Variants in SEC14L3 observed in about 807,000 individuals in gnomAD.
SEC14L3 encodes the protein SEC14 like lipid binding 3, also known as SEC14-like protein 3.
In SEC14L3, 56 loss-of-function variants were observed where a neutral mutation model predicts 57.4. That is an observed-to-expected ratio of 0.97 (90% confidence interval 0.79 to 1.22). The LOEUF (loss-of-function observed/expected upper bound fraction) is 1.22. SEC14L3 is among the 50% of genes most tolerant of loss of function. The pLI is 0.00. For missense variants in SEC14L3, 485 were observed against 511.7 expected (o/e 0.95, Z 0.50); for synonymous variants, 173 against 194.4 (o/e 0.89, Z 0.92).
downstream of SEC14L3, among the ~76,000 whole-genome samples, chr22:30,447,795 A>T (rs1013046094): frequency 6.6e-6 from 1 of 152,132 alleles, no homozygotes; most frequent in Non-Finnish European, 1.5e-5. Context: ...TGTGTTTGGC[A>T]GGGCTGGGGT....
At chr22:30,462,010 G>T in intron 9 of SEC14L3, 76 bp downstream of exon 9, 1 of 1,434,628 alleles carries the variant, frequency 7.0e-7, no homozygotes, top group Non-Finnish European at 9.7e-7. Context: ...AGGTAATTGT[G>T]GATGAATGAC....
intron 8 of SEC14L3, among the ~76,000 whole-genome samples, chr22:30,464,094 C>T (rs953379600): frequency 1.3e-5 from 2 of 152,144 alleles, no homozygotes; most frequent in Admixed American, 6.5e-5. Flanking sequence ...TTTCTCATGG[C>T]GGCTCCAGAA....
At chr22:30,456,970 C>G (rs143459949), downstream of SEC14L3, among the ~76,000 whole-genome samples, 198 of 152,320 alleles carry the variant, frequency 1.3e-3, no homozygotes, top group African/African-American at 4.6e-3. Flanking sequence ...TTGCACTGCT[C>G]CACCTCCTGG....
At chr22:30,461,737 C>T (rs1425773445) in intron 9 of SEC14L3, 43 bp from the exon 10 acceptor site, 1 of 1,582,948 alleles carries the variant, frequency 6.3e-7, no homozygotes, top group Admixed American at 1.8e-5. Flanking sequence ...GTCTCCTGGC[C>T]ATTGTTCATG....
downstream of SEC14L3, among the ~76,000 whole-genome samples, chr22:30,455,049 A>C (rs1421275559): frequency 1.6e-5 from 1 of 63,740 alleles, no homozygotes; most frequent in African/African-American, 8.8e-5. Context: ...TATAATAGAT[A>C]TACAATATAT....
chr22:30,466,880 A>C, intron 6 of SEC14L3, 102 bp downstream of exon 6: 1 of 1,105,628 alleles, frequency 9.0e-7, no homozygotes, highest in East Asian at 2.5e-5. Context: ...GGAGCCCAGG[A>C]CATTTTTAAA....
intron 7 of SEC14L3, among the ~76,000 whole-genome samples, chr22:30,465,681 C>T (rs955255492): frequency 3.3e-5 from 5 of 152,194 alleles, no homozygotes; most frequent in African/African-American, 1.2e-4. Context: ...ACCAGCCACT[C>T]AATCAGTCAA....
chr22:30,470,165 C>T, intron 3 of SEC14L3, 47 bp downstream of exon 3: 1 of 1,613,134 alleles, frequency 6.2e-7, no homozygotes, highest in Non-Finnish European at 8.5e-7. Flanking sequence ...GCATGGATTG[C>T]CCCTGACAAA....
downstream of SEC14L3, among the ~76,000 whole-genome samples, chr22:30,454,562 ATATTATATATAATCTATAATAATAT>A (rs1935050186): frequency 1.8e-5 from 1 of 55,684 alleles, no homozygotes; most frequent in Non-Finnish European, 3.6e-5. Context: ...ATCTATAATA[ATATTATATATAATCTATAATAATAT>A]TATTATATAT....
In SEC14L3 at chr22:30,466,390, A is replaced by G. The variant is rs1389736525; in HGVS notation, c.524T>C (p.Phe175Ser). 6.2e-7 allele frequency: 1 copy of G among 1,613,984 alleles called. No individual in the cohort carries two copies. Among genetic ancestry groups the G allele is most frequent in the African/African-American group, 1.3e-5 (1 of 74,912 alleles). Residue 175 changes from phenylalanine to serine, a missense_variant, in exon 7 of 12, where the codon TTT (phenylalanine) becomes TCT (serine). Physicochemically the swap from Phe to Ser is radical, Grantham distance 155. Coordinates refer to ENST00000215812, the MANE Select transcript of SEC14L3 (RefSeq NM_174975.5). Reference sequence around the variant, plus strand: ...TGGGTAATTCTCTTCAAGGAGGCCAAAGAACTGTGGAACCAAGAGAGATCC... The same window carrying G: ...TGGGTAATTCTCTTCAAGGAGGCCAGAGAACTGTGGAACCAAGAGAGATCC... ...KPLVEVYQEF[F>S]GLLEENYPET... is the part of the protein sequence containing the mutation.
chr22:30,471,087 C>T, intron 1 of SEC14L3: 1 of 329,190 alleles, frequency 3.0e-6, no homozygotes, highest in Non-Finnish European at 5.9e-6. Context: ...GAGTTTGAGA[C>T]CAGCCTGGCC....
chr22:30,463,659 C>T (rs1645117811), intron 8 of SEC14L3, among the ~76,000 whole-genome samples: 1 of 152,220 alleles, frequency 6.6e-6, no homozygotes, highest in Non-Finnish European at 1.5e-5. Flanking sequence ...CCCCTCACCC[C>T]TGGATCCTCA....
At position 30,462,197 on chromosome 22, in the gene SEC14L3, G is replaced by T; in HGVS notation, c.665-5C>A. 1 of 1,611,324 alleles carries T rather than the reference G, an allele frequency of 6.2e-7. No homozygotes were observed. ...GCAAACCTTCCTTCCAGTTATCTGG[G>T]AGCAGTGGGATTCAAGGGTGGTTAG... On this transcript the variant is annotated splice_region_variant and splice_polypyrimidine_tract_variant and intron_variant, in intron 8 of 11. Coordinates refer to ENST00000215812, the MANE Select transcript of SEC14L3 (RefSeq NM_174975.5).
chr22:30,448,411 G>A (rs1186496703), exon 13 of SEC14L3: 3 of 152,154 alleles, frequency 2.0e-5, no homozygotes, highest in African/African-American at 4.8e-5. Flanking sequence ...GCCTCCTGGG[G>A]TCCAGGGCAG....
intron 12 of SEC14L3, among the ~76,000 whole-genome samples, chr22:30,451,444 C>T (rs1343659670): frequency 6.6e-6 from 1 of 152,078 alleles, no homozygotes; most frequent in Non-Finnish European, 1.5e-5. Context: ...ACCAAACAAA[C>T]ATAATAAAGC....
chr22:30,462,737 ATTCT>A (rs1317665995), intron 8 of SEC14L3, among the ~76,000 whole-genome samples: 1 of 104,488 alleles, frequency 9.6e-6, no homozygotes, highest in Non-Finnish European at 1.8e-5. Context: ...CCTATGGCAC[ATTCT>A]TTTTTTTTTT....
At chr22:30,448,520 T>C (rs1934920086) in exon 13 of SEC14L3, 1 of 146,344 alleles carries the variant, frequency 6.8e-6, no homozygotes, top group African/African-American at 2.6e-5. Flanking sequence ...GAGCTTGGCA[T>C]GCAGTAGATG....
At position 30,452,007 on chromosome 22, in the gene SEC14L3, AAAG is replaced by A. The variant is rs1464885012; in HGVS notation, c.905-2766_905-2764del. 5.0e-5 allele frequency among the ~76,000 whole-genome samples: 7 copies of A among 139,950 alleles called. 1 individual carries two copies. Among genetic ancestry groups the A allele is most frequent in the African/African-American group, 1.9e-4 (7 of 36,934 alleles). 91.8% of individuals were successfully genotyped at this position (139,950 alleles called of 152,430 possible). On this transcript the variant is annotated intron_variant, in intron 12 of 12. Coordinates refer to the SEC14L3 transcript ENST00000403066. ...ACTCCATCTCAAAAAAAAAAAAAAA[AAAG>A]AAAAAAGAAAAGAAAAGAAAAGAAA...
chr22:30,454,536 A>AATAATATTATATATAATCT (rs1935047115), downstream of SEC14L3, among the ~76,000 whole-genome samples: 10 of 73,718 alleles, frequency 1.4e-4, no homozygotes, highest in East Asian at 6.9e-4. Flanking sequence ...TATAATCTAT[A>AATAATATTATATATAATCT]ATAATATTAT....
Sources: gnomAD v4.1 joint callset for allele counts (sites outside exome capture counted in the v4.1 genomes callset) on GRCh38, gnomAD v4.1.1 for gene constraint, MANE v1.5 for transcripts, NCBI Gene and HGNC (gene_info 2026-07-23, HGNC 2026-07-21) for gene names.